Variants in NUCKS1 observed in about 807,000 individuals in gnomAD.
NUCKS1 encodes nuclear ubiquitous casein and cyclin-dependent kinase substrate 1.
A neutral mutation model predicts 33.0 loss-of-function variants in NUCKS1; 2 were observed. That is an observed-to-expected ratio of 0.06 (90% CI 0.02 to 0.19). The LOEUF (loss-of-function observed/expected upper bound fraction) is 0.19. Among genes scored for constraint, NUCKS1 ranks in the 10% least tolerant of loss-of-function variants. NUCKS1 has a pLI of 1.00. For missense variants in NUCKS1, 201 were observed against 293.6 expected, an observed-to-expected ratio of 0.68 and a Z score of 2.31; for synonymous variants, 106 against 102.8, an observed-to-expected ratio of 1.03 and a Z score of -0.19.
chr1:205,750,015 A>AGGGGGGCGGGGGGGGGGGGGGGGGGGGG lies in NUCKS1; in HGVS notation c.-43_-42insCCCCCCCCCCCCCCCCCCCCCGCCCCCC. 1 of 1,506,284 alleles carries AGGGGGGCGGGGGGGGGGGGGGGGGGGGG rather than the reference A, an allele frequency of 6.6e-7. No individual in the cohort carries two copies. The highest frequency in any genetic ancestry group is 9.0e-7 in the Non-Finnish European group (1 of 1,114,428). 93.3% of individuals were successfully genotyped at this position (1,506,284 alleles called of 1,614,324 possible). A position where few individuals can be genotyped will look rare whatever the true frequency, so the allele number is the denominator to read the frequency against. ...GGACCGAGTCGAGAAGCCAAAGACC[A>AGGGGGGCGGGGGGGGGGGGGGGGGGGGG]GGACCCCCCCCACCCCGCGCGCTCG... On this transcript the variant is annotated 5_prime_UTR_variant, in exon 1 of 7. Coordinates refer to ENST00000367142, the MANE Select transcript of NUCKS1 (RefSeq NM_022731.5).
chr1:205,747,780 T>C lies in NUCKS1; in HGVS notation c.17+2177A>G, dbSNP rs186090202. 1.4e-3 allele frequency among the ~76,000 whole-genome samples: 211 copies of C among 152,334 alleles called. 2 individuals are homozygous for C. The Middle Eastern group carries it at 0.044, about 32-fold the overall frequency. On this transcript the variant is annotated intron_variant, in intron 1 of 6. Coordinates refer to ENST00000367142, the MANE Select transcript of NUCKS1 (RefSeq NM_022731.5). Reference sequence around the variant, plus strand: ...TGATGTTAAATGCACTAAGGGAATATAGATTCTTCAATTATACTTTGAAAC... The same window carrying C: ...TGATGTTAAATGCACTAAGGGAATACAGATTCTTCAATTATACTTTGAAAC...
intron 1 of NUCKS1, among the ~76,000 whole-genome samples, chr1:205,734,334 G>A (rs1653983705): frequency 6.6e-6 from 1 of 152,022 alleles, no homozygotes; most frequent in African/African-American, 2.4e-5. Context: ...TAAATTGAAA[G>A]ACTATCCCTT....
chr1:205,725,897 G>A (rs1033968247), intron 3 of NUCKS1, among the ~76,000 whole-genome samples: 1 of 152,088 alleles, frequency 6.6e-6, no homozygotes, highest in Non-Finnish European at 1.5e-5. Context: ...GTTCTGAGTT[G>A]GGCTGCCATC....
At chr1:205,747,336 C>T (rs1654357425) in intron 1 of NUCKS1, among the ~76,000 whole-genome samples, 1 of 152,164 alleles carries the variant, frequency 6.6e-6, no homozygotes, top group Admixed American at 6.5e-5. Context: ...TAATTTTAAG[C>T]TATTAATTTG....
chr1:205,747,156 G>A (rs76372619), intron 1 of NUCKS1, among the ~76,000 whole-genome samples: 3 of 152,114 alleles, frequency 2.0e-5, no homozygotes, highest in African/African-American at 4.8e-5. Context: ...AAGGTACAGC[G>A]ATCATGCGGG....
At chr1:205,729,931 G>C (rs1653866486) in intron 1 of NUCKS1, among the ~76,000 whole-genome samples, 1 of 150,662 alleles carries the variant, frequency 6.6e-6, no homozygotes, top group Non-Finnish European at 1.5e-5. Flanking sequence ...TGAGGTAGGA[G>C]AATCACTTGA....
At chr1:205,722,494 TG>T in intron 4 of NUCKS1, among the ~76,000 whole-genome samples, 1 of 152,294 alleles carries the variant, frequency 6.6e-6, no homozygotes, top group Non-Finnish European at 1.5e-5. Flanking sequence ...TGACCTCAGG[TG>T]ATCCACCTGC....
chr1:205,737,074 G>A (rs1385271820), intron 1 of NUCKS1, among the ~76,000 whole-genome samples: 2 of 152,058 alleles, frequency 1.3e-5, no homozygotes, highest in African/African-American at 4.8e-5. Context: ...TCATGCTCTA[G>A]CTGCTTTCCT....
intron 1 of NUCKS1, among the ~76,000 whole-genome samples, chr1:205,747,797 C>T (rs1180867647): frequency 6.6e-6 from 1 of 152,124 alleles, no homozygotes; most frequent in Non-Finnish European, 1.5e-5. Flanking sequence ...TTCAATTATA[C>T]TTTGAAACAA....
At chr1:205,745,245 G>A (rs1020030274) in intron 1 of NUCKS1, among the ~76,000 whole-genome samples, 8 of 152,122 alleles carry the variant, frequency 5.3e-5, no homozygotes, top group African/African-American at 1.9e-4. Flanking sequence ...CTGAAGGAAC[G>A]GGACTTAAGT....
chr1:205,739,340 C>T (rs989088723), intron 1 of NUCKS1, among the ~76,000 whole-genome samples: 1 of 152,326 alleles, frequency 6.6e-6, no homozygotes, highest in East Asian at 1.9e-4. Flanking sequence ...AGTACTGCTG[C>T]TTTCCCTTTA....
chr1:205,749,809 C>T (rs1377420462), intron 1 of NUCKS1, 148 bp downstream of exon 1: 6 of 752,510 alleles, frequency 8.0e-6, no homozygotes, highest in South Asian at 6.9e-5. Context: ...CAGGGCCCCC[C>T]ACGCTCAAGG....
At chr1:205,746,438 CT>C (rs1350382414) in intron 1 of NUCKS1, among the ~76,000 whole-genome samples, 2 of 38,666 alleles carry the variant, frequency 5.2e-5, no homozygotes, top group African/African-American at 1.5e-4. Flanking sequence ...AAACTCACTT[CT>C]CTCTCTCTCT....
At position 205,714,924 on chromosome 1, in the gene NUCKS1, CA is replaced by C. The variant is rs1270475740; in HGVS notation, c.*3355del. 3.3e-5 allele frequency: 5 copies of C among 152,150 alleles called. No individual in the cohort carries two copies. Among genetic ancestry groups the C allele is most frequent in the Non-Finnish European group, 7.3e-5 (5 of 68,028 alleles). The allele number at this position is 152,150 out of a possible 1,614,324, so 9.4% of individuals were successfully genotyped here. ...CATTCTTCAAAGCTGCAACAGTGGC[CA>C]CCATGATCTTTTATAAAGCTTTCCC... On this transcript the variant is annotated 3_prime_UTR_variant, in exon 7 of 7. Transcript: ENST00000367142.
chr1:205,733,177 T>G (rs573626809), intron 1 of NUCKS1, among the ~76,000 whole-genome samples: 4 of 152,336 alleles, frequency 2.6e-5, no homozygotes, highest in Admixed American at 2.6e-4. Context: ...CATTTCTGGG[T>G]ACGACGTAGC....
chr1:205,742,100 T>G (rs1175756107), intron 1 of NUCKS1, among the ~76,000 whole-genome samples: 3 of 152,242 alleles, frequency 2.0e-5, no homozygotes, highest in Admixed American at 6.5e-5. Flanking sequence ...GTGTAAGAGA[T>G]AGCAGCACCG....
At chr1:205,744,060 T>C (rs960231471) in intron 1 of NUCKS1, among the ~76,000 whole-genome samples, 1 of 152,220 alleles carries the variant, frequency 6.6e-6, no homozygotes, top group African/African-American at 2.4e-5. Flanking sequence ...CTGTCAGGTG[T>C]ATCTCCCCTT....
At chr1:205,732,057 T>C (rs1485718937) in intron 1 of NUCKS1, among the ~76,000 whole-genome samples, 1 of 152,048 alleles carries the variant, frequency 6.6e-6, no homozygotes, top group Non-Finnish European at 1.5e-5. Context: ...TATGTGGAGA[T>C]GGTATGGATG....
At chr1:205,731,633 T>C (rs1181870457) in intron 1 of NUCKS1, among the ~76,000 whole-genome samples, 2 of 152,196 alleles carry the variant, frequency 1.3e-5, no homozygotes, top group African/African-American at 2.4e-5. Context: ...GGCTCACGCC[T>C]ATAATTTCAC....
Sources: gnomAD v4.1 joint callset for allele counts (sites outside exome capture counted in the v4.1 genomes callset) on GRCh38, gnomAD v4.1.1 for gene constraint, MANE v1.5 for transcripts, NCBI Gene and HGNC (gene_info 2026-07-23, HGNC 2026-07-21) for gene names.